PPP2R2A: variants seen among roughly 807,000 people sequenced by gnomAD.
The protein encoded by PPP2R2A is protein phosphatase 2 regulatory subunit Balpha.
PPP2R2A carries 9 observed loss-of-function variants against 53.2 expected under a neutral mutation model. The ratio of observed to expected loss-of-function variants is 0.17; its 90% confidence interval spans 0.10 to 0.30. PPP2R2A has a LOEUF of 0.30. Ranked by LOEUF, PPP2R2A falls within the 10% of genes least tolerant of loss-of-function variation. The pLI is 1.00. For missense variants in PPP2R2A, 235 were observed against 534.6 expected (o/e 0.44, Z 5.53); for synonymous variants, 169 against 174.2 (o/e 0.97, Z 0.23).
At chr8:26,359,635 A>C (rs755510952) in intron 4 of PPP2R2A, among the ~76,000 whole-genome samples, 13 of 80,674 alleles carry the variant, frequency 1.6e-4, no homozygotes, top group Non-Finnish European at 2.9e-4. Flanking sequence ...ACCCTGATAC[A>C]AGAAGGGGAA....
At chr8:26,341,991 A>G (rs954932811) in intron 3 of PPP2R2A, among the ~76,000 whole-genome samples, 1 of 152,170 alleles carries the variant, frequency 6.6e-6, no homozygotes, top group Admixed American at 6.5e-5. Context: ...TTTATTCCCC[A>G]ATCGTAATAT....
rs187857271 is a variant in PPP2R2A, at chr8:26,321,890, A to G, written c.83-17000A>G. Among the ~76,000 whole-genome samples, 3 of 152,308 alleles carry G rather than the reference A, an allele frequency of 2.0e-5. No homozygotes were observed. The highest frequency in any genetic ancestry group is 3.9e-4 in the East Asian group (2 of 5,186). ...TTATATAGGAAGTAACAATGTCAAC[A>G]TTTCCCCTCCTCGGTCTAAGATTTG... On this transcript the variant is annotated intron_variant, in intron 2 of 9. Coordinates refer to ENST00000380737, the MANE Select transcript of PPP2R2A (RefSeq NM_002717.4). The surrounding 1 kb of genome is among the most constrained non-coding windows in gnomAD (Gnocchi z 4.1).
intron 2 of PPP2R2A, among the ~76,000 whole-genome samples, chr8:26,327,854 G>A (rs1453573046): frequency 6.6e-6 from 1 of 152,146 alleles, no homozygotes; most frequent in Non-Finnish European, 1.5e-5. Context: ...ATGAAAATGG[G>A]TCATGTGACC....
chr8:26,371,213 G>C lies in PPP2R2A; in HGVS notation c.*800G>C, dbSNP rs1391880442. On this transcript the variant is annotated 3_prime_UTR_variant, in exon 10 of 10. Transcript: ENST00000380737. The stretch of plus-strand genomic sequence containing the variant: ...ACCTTTGGGCACAGTGAAACAAAAT[G>C]GGTTTTCATTGTTTATTGGTATTTT... 2 of 152,078 alleles carry C rather than the reference G, an allele frequency of 1.3e-5. No homozygotes were observed. The highest frequency in any genetic ancestry group is 2.9e-5 in the Non-Finnish European group (2 of 68,020). 9.4% of individuals were successfully genotyped at this position (152,078 alleles called of 1,614,324 possible).
chr8:26,355,179 G>T (rs1229772333), intron 4 of PPP2R2A, among the ~76,000 whole-genome samples: 1 of 152,156 alleles, frequency 6.6e-6, no homozygotes, highest in Non-Finnish European at 1.5e-5. Context: ...TTTCTTACTT[G>T]ATCACCATTA....
chr8:26,316,297 C>T lies in PPP2R2A; in HGVS notation c.82+22557C>T, dbSNP rs561883823. On this transcript the variant is annotated intron_variant, in intron 2 of 9. Coordinates refer to ENST00000380737, the MANE Select transcript of PPP2R2A (RefSeq NM_002717.4). ...CGCTGGAATTATAGGCCTGAACCAC[C>T]ATGCCCAGCTTGTGTACTGTTTTTA... 3.9e-4 allele frequency among the ~76,000 whole-genome samples: 59 copies of T among 152,258 alleles called. 1 individual carries two copies. The highest frequency in any genetic ancestry group is 1.3e-3 in the African/African-American group (54 of 41,546).
At chr8:26,326,034 G>A (rs1180912520) in intron 2 of PPP2R2A, among the ~76,000 whole-genome samples, 1 of 152,000 alleles carries the variant, frequency 6.6e-6, no homozygotes, top group East Asian at 1.9e-4. Flanking sequence ...ACGGGTTTTC[G>A]CCATGTTGCC....
At position 26,333,485 on chromosome 8, in the gene PPP2R2A, G is replaced by C. The variant is rs916705395; in HGVS notation, c.83-5405G>C. On this transcript the variant is annotated intron_variant, in intron 2 of 9. Transcript: ENST00000380737. ...TTTGCACTTTGATTAATTTCTTTCAGATCACTTATTTGAGACATAGTCCTC... is the reference window on the plus strand; with the variant it reads ...TTTGCACTTTGATTAATTTCTTTCACATCACTTATTTGAGACATAGTCCTC... The C allele has an allele frequency of 2.1e-5, 26 of 1,221,268 alleles. No individual in the cohort carries two copies. The African/African-American group carries it at 3.7e-4, about 17-fold the overall frequency. The allele number at this position is 1,221,268 out of a possible 1,614,324, so 75.7% of individuals were successfully genotyped here.
intron 1 of PPP2R2A, chr8:26,292,505 G>T (rs1801345673): frequency 1.1e-6 from 1 of 923,166 alleles, no homozygotes; most frequent in African/African-American, 1.8e-5. Context: ...TTTTGCAGAT[G>T]TCCTTTTCCC....
intron 3 of PPP2R2A, among the ~76,000 whole-genome samples, chr8:26,350,272 C>T (rs1804425127): frequency 6.6e-6 from 1 of 152,078 alleles, no homozygotes; most frequent in African/African-American, 2.4e-5. Context: ...ACTGTGTTAG[C>T]CAGGCTGGTC....
At chr8:26,343,433 G>A (rs1378077234) in intron 3 of PPP2R2A, among the ~76,000 whole-genome samples, 1 of 150,236 alleles carries the variant, frequency 6.7e-6, no homozygotes, top group African/African-American at 2.4e-5. Context: ...GTGCAGTGGC[G>A]TGATCTCAGC....
rs951427050 is a variant in PPP2R2A, at chr8:26,291,544, G to A, written c.-276G>A. 29 of 516,936 alleles carry A rather than the reference G, an allele frequency of 5.6e-5. No homozygotes were observed. Among genetic ancestry groups the A allele is most frequent in the Admixed American group, 5.3e-4 (14 of 26,556 alleles). The allele number at this position is 516,936 out of a possible 1,614,324, so 32.0% of individuals were successfully genotyped here. On this transcript the variant is annotated 5_prime_UTR_variant, in exon 1 of 10. Transcript: ENST00000380737. Reference sequence around the variant, plus strand: ...CGCCATTTTGAAAGTGGAGTCGCCTGCCCCTGCCGCTGCCGCCGCCGCCGT... The same window carrying A: ...CGCCATTTTGAAAGTGGAGTCGCCTACCCCTGCCGCTGCCGCCGCCGCCGT...
chr8:26,320,629 A>G (rs1802788555), intron 2 of PPP2R2A, among the ~76,000 whole-genome samples: 1 of 152,162 alleles, frequency 6.6e-6, no homozygotes. Context: ...CAATTAGTTC[A>G]TACTGCTGAG....
At chr8:26,293,121 CT>C (rs71216431) in intron 1 of PPP2R2A, 19,272 of 1,004,524 alleles carry the variant, frequency 0.019, 295 homozygotes, top group Middle Eastern at 0.065. Flanking sequence ...ATTTCGGTTT[CT>C]TTTCCTCTCT....
chr8:26,357,413 A>G lies in PPP2R2A; in HGVS notation c.347-2756A>G, dbSNP rs553976145. ...ATAAAAATATTTGCATTGGCTTTCC[A>G]TGATCATTATATGAACTGGGTTTCC... is the stretch of plus-strand genomic sequence containing the variant. On this transcript the variant is annotated intron_variant, in intron 4 of 9. Transcript: ENST00000380737. 5.3e-5 allele frequency among the ~76,000 whole-genome samples: 8 copies of G among 152,016 alleles called. No homozygotes were observed. In the South Asian group the frequency reaches 1.5e-3, roughly 28 times the overall value.
At chr8:26,359,052 T>C (rs1804942246) in intron 4 of PPP2R2A, 1 of 431,426 alleles carries the variant, frequency 2.3e-6, no homozygotes, top group Non-Finnish European at 4.7e-6. Context: ...GTTGATACCA[T>C]GTATCCCTTT....
At chr8:26,330,665 T>A (rs572031416) in intron 2 of PPP2R2A, among the ~76,000 whole-genome samples, 1 of 152,300 alleles carries the variant, frequency 6.6e-6, no homozygotes, top group South Asian at 2.1e-4. Flanking sequence ...AAAAGCTGTT[T>A]TTGGTCCGTG....
chr8:26,303,833 A>C (rs975621457), intron 2 of PPP2R2A, among the ~76,000 whole-genome samples: 2 of 152,236 alleles, frequency 1.3e-5, no homozygotes, highest in African/African-American at 2.4e-5. Context: ...AATATCATCT[A>C]GATCTTTGCT....
chr8:26,370,308 A>G lies in PPP2R2A; in HGVS notation c.1239A>G (p.Leu413=), dbSNP rs780005278. 6.2e-7 allele frequency: 1 copy of G among 1,614,226 alleles called. No individual in the cohort carries two copies. The highest frequency in any genetic ancestry group is 1.1e-5 in the South Asian group (1 of 91,086). Residue 413 remains leucine, a synonymous_variant, in exon 10 of 10, where the codon CTA becomes CTG. Coordinates refer to ENST00000380737, the MANE Select transcript of PPP2R2A (RefSeq NM_002717.4). The surrounding 1 kb of genome is among the most constrained non-coding windows in gnomAD (Gnocchi z 6.1). ...RKKDEISVDS[L]DFNKKILHTA... ...AAGATGAAATAAGTGTTGACAGCCT[A>G]GACTTCAATAAGAAAATCCTTCACA...
Sources: gnomAD v4.1 joint callset for allele counts (sites outside exome capture counted in the v4.1 genomes callset) on GRCh38, gnomAD v4.1.1 for gene constraint, Gnocchi (gnomAD v3.1) non-coding constraint, MANE v1.5 for transcripts, NCBI Gene and HGNC (gene_info 2026-07-23, HGNC 2026-07-21) for gene names.